Variants in CEP350 observed in about 807,000 individuals in gnomAD.
CEP350 encodes centrosome-associated protein 350.
CEP350 carries 126 observed loss-of-function variants against 331.8 expected under a neutral mutation model. The observed-to-expected ratio is 0.38, with a 90% CI of 0.33 to 0.44. CEP350 has a LOEUF of 0.44. CEP350 is among the 20% of genes least tolerant of loss of function. The pLI is 1.00. For synonymous variants in CEP350, 1,200 were observed against 1,259.5 expected, an observed-to-expected ratio of 0.95 and a Z score of 1.00; for missense variants, 3,406 against 3,634.6, an observed-to-expected ratio of 0.94 and a Z score of 1.62.
intron 16 of CEP350, 82 bp from the exon 17 acceptor site, chr1:180,036,844 T>C: frequency 7.2e-7 from 1 of 1,396,188 alleles, no homozygotes; most frequent in Non-Finnish European, 9.4e-7. Context: ...AAGTTGATTT[T>C]GGCTCTTAAA....
At position 180,078,610 on chromosome 1, in the gene CEP350, G is replaced by A; in HGVS notation, c.5915G>A (p.Ser1972Asn). 1 of 1,612,978 alleles carries A rather than the reference G, an allele frequency of 6.2e-7. No individual in the cohort carries two copies. Among genetic ancestry groups the A allele is most frequent in the Non-Finnish European group, 8.5e-7 (1 of 1,179,416 alleles). The change falls in exon 29 of 38, where the codon AGT becomes AAT. Residue 1972 changes from serine (S) to asparagine (N), a missense_variant. This residue lies in a region of CEP350 where 1,415 missense variants were observed against 1,512.3 expected (regional missense o/e 0.94). Transcript: ENST00000367607. ...GAGCAGCCAGGGAGTCCAGATCACA[G>A]TATACTTACTGAAGAAATGATTTGT... ...GQEQPGSPDH[S>N]ILTEEMICSQ... is the part of the protein sequence containing the mutation.
intron 19 of CEP350, 128 bp downstream of exon 19, chr1:180,041,930 C>A: frequency 1.3e-6 from 1 of 794,634 alleles, no homozygotes; most frequent in Non-Finnish European, 2.0e-6. Flanking sequence ...TTAGTGGGGG[C>A]CATACCCTAT....
chr1:180,071,242 G>A (rs888733817), intron 27 of CEP350, among the ~76,000 whole-genome samples: 1 of 150,950 alleles, frequency 6.6e-6, no homozygotes, highest in Non-Finnish European at 1.5e-5. Context: ...TGGATCACCT[G>A]AGGTCAGGAG....
In CEP350 at chr1:180,094,412, A is replaced by C. The variant is rs750913868; in HGVS notation, c.8307A>C (p.Gln2769His). ...LKVFVKDTVN[Q>H]LQQIKKTRDE... Reference sequence around the variant, plus strand: ...TCTTTGTAAAGGACACAGTCAATCAACTACAACAAATCAAAAAAACCAGGG... The same window carrying C: ...TCTTTGTAAAGGACACAGTCAATCACCTACAACAAATCAAAAAAACCAGGG... The change falls in exon 34 of 38, where the codon CAA becomes CAC. Residue 2769 changes from glutamine (Q) to histidine (H), a missense_variant. By Grantham distance (24) the Gln-to-His change is conservative (BLOSUM62 0). This residue lies in a region of CEP350 where 1,415 missense variants were observed against 1,512.3 expected (regional missense o/e 0.94). Coordinates refer to ENST00000367607, the MANE Select transcript of CEP350 (RefSeq NM_014810.5). The C allele has an allele frequency of 1.9e-6, 3 of 1,613,826 alleles. No individual in the cohort carries two copies. In the South Asian group the frequency reaches 3.3e-5, roughly 18 times the overall value.
At chr1:180,091,080 C>T (rs945975982) in intron 33 of CEP350, among the ~76,000 whole-genome samples, 1 of 151,620 alleles carries the variant, frequency 6.6e-6, no homozygotes, top group Admixed American at 6.6e-5. Context: ...TCATAGCTTA[C>T]TACTGCAGCC....
intron 37 of CEP350, among the ~76,000 whole-genome samples, chr1:180,108,988 G>C (rs1377751728): frequency 6.6e-6 from 1 of 152,146 alleles, no homozygotes; most frequent in African/African-American, 2.4e-5. Context: ...TCCAGCCAAG[G>C]ATATATGTTG....
rs536157213 is a variant in CEP350 at position 180,094,691 on chromosome 1, A to G, written c.8511+75A>G. The G allele has an allele frequency of 5.3e-4, 769 of 1,445,894 alleles. 6 individuals carry two copies. The highest frequency in any genetic ancestry group is 3.3e-4 in the Admixed American group (13 of 39,568). 89.6% of individuals were successfully genotyped at this position (1,445,894 alleles called of 1,614,324 possible). A position where few individuals can be genotyped will look rare whatever the true frequency, so the allele number is the denominator to read the frequency against. The stretch of plus-strand genomic sequence containing the variant: ...ACAAGGCAACTTACCTTGCCTATAT[A>G]GTACATTTTAATTCTGTGACTCCTG... On this transcript the variant is annotated intron_variant, in intron 34 of 37. Transcript: ENST00000367607.
intron 1 of CEP350, among the ~76,000 whole-genome samples, chr1:179,980,478 T>C (rs2148643573): frequency 6.6e-6 from 1 of 152,184 alleles, no homozygotes; most frequent in East Asian, 1.9e-4. Flanking sequence ...ATGATTATAT[T>C]GTCTGAAAAC....
At chr1:180,104,862 A>G (rs1334967404) in intron 37 of CEP350, among the ~76,000 whole-genome samples, 2 of 152,218 alleles carry the variant, frequency 1.3e-5, no homozygotes, top group African/African-American at 4.8e-5. Flanking sequence ...CTTGAAGGCA[A>G]AAGCACTTGG....
intron 22 of CEP350, chr1:180,052,384 G>T (rs1657566226): frequency 2.9e-6 from 1 of 348,252 alleles, no homozygotes; most frequent in Non-Finnish European, 5.6e-6. Flanking sequence ...AAATAAATAA[G>T]AGCTCTTTGT....
intron 37 of CEP350, among the ~76,000 whole-genome samples, chr1:180,108,433 G>T (rs902290269): frequency 4.8e-4 from 73 of 152,158 alleles, no homozygotes; most frequent in Non-Finnish European, 1.0e-3. Context: ...CCGGGAGGTG[G>T]AGGTTACAGT....
rs563371762 is a variant in CEP350 at position 179,975,631 on chromosome 1, G to A, written c.-13-10538G>A. Among the ~76,000 whole-genome samples the A allele has an allele frequency of 5.9e-5, 9 of 152,234 alleles. No individual in the cohort carries two copies. The South Asian group carries it at 8.3e-4, about 14-fold the overall frequency. On this transcript the variant is annotated intron_variant, in intron 1 of 37. Coordinates refer to ENST00000367607, the MANE Select transcript of CEP350 (RefSeq NM_014810.5). ...ATGATAACTAAGTATATGATGGAACGTGGGAGAGATAGGAATGTCAAAGAT... is the reference window on the plus strand; with the variant it reads ...ATGATAACTAAGTATATGATGGAACATGGGAGAGATAGGAATGTCAAAGAT...
rs770331927 is a variant in CEP350, at chr1:180,020,574, A to G, written c.2800A>G (p.Ser934Gly). Reference sequence around the variant, plus strand: ...GATAAGACCACAGAGTGCCATATCAAGCTTTAGAGTGAGATCCCCTGGTCC... The same window carrying G: ...GATAAGACCACAGAGTGCCATATCAGGCTTTAGAGTGAGATCCCCTGGTCC... The part of the protein sequence containing the change: ...EMIRPQSAIS[S>G]FRVRSPGPKP... Residue 934 changes from serine (S) to glycine (G), a missense_variant, in exon 12 of 38, where the codon AGC (serine) becomes GGC (glycine). By Grantham distance (56) the Ser-to-Gly change is moderately conservative. This residue lies in a region of CEP350 where 1,857 missense variants were observed against 1,909.2 expected (regional missense o/e 0.97). Transcript: ENST00000367607. The G allele has an allele frequency of 2.9e-5, 46 of 1,614,012 alleles. No homozygotes were observed. The highest frequency in any genetic ancestry group is 2.5e-4 in the South Asian group (23 of 91,080).
Position 179,990,536 on chromosome 1 carries a change from A to T in CEP350, c.150A>T (p.Val50=), listed in dbSNP as rs1468796485. ...GACACATTGAAAATAAATTAGAAGT[A>T]GCCCCTACAAGTACAGCTGTGTGTG... The part of the protein sequence containing the change: ...ALRHIENKLE[V]APTSTAVCDS... The change falls in exon 4 of 38, where the codon GTA becomes GTT. Residue 50 remains valine, a synonymous_variant. Transcript: ENST00000367607. 1 of 1,600,466 alleles carries T rather than the reference A, an allele frequency of 6.2e-7. No individual in the cohort carries two copies. Among genetic ancestry groups the T allele is most frequent in the Non-Finnish European group, 8.5e-7 (1 of 1,172,446 alleles).
rs575689987 is a variant in CEP350 at position 180,074,938 on chromosome 1, T to C, written c.5568-84T>C. On this transcript the variant is annotated intron_variant, in intron 27 of 37. Transcript: ENST00000367607. ...GTTCTGCTTTTGCACAGCTTGTTGA[T>C]AAGGTGGTGAGTGATAGAGCTCTCA... 3.5e-4 allele frequency: 404 copies of C among 1,155,738 alleles called. 1 individual carries two copies. Among genetic ancestry groups the C allele is most frequent in the East Asian group, 2.0e-3 (76 of 38,614 alleles). 71.6% of individuals were successfully genotyped at this position (1,155,738 alleles called of 1,614,324 possible).
At chr1:180,065,367 C>T in intron 27 of CEP350, 95 bp downstream of exon 27, 1 of 1,232,258 alleles carries the variant, frequency 8.1e-7, no homozygotes, top group Non-Finnish European at 1.1e-6. Flanking sequence ...TAGATTGAGA[C>T]AAAATATTTT....
chr1:180,014,299 A>G lies in CEP350; in HGVS notation c.1846A>G (p.Lys616Glu), dbSNP rs774756833. 3 of 1,594,764 alleles carry G rather than the reference A, an allele frequency of 1.9e-6. No individual in the cohort carries two copies. Among genetic ancestry groups the G allele is most frequent in the Admixed American group, 3.6e-5 (2 of 56,336 alleles). Reference sequence around the variant, plus strand: ...GAAGAGAAAGCAAAATGAAGAGAAGAAGGCTCAAAAGGAGGCTACAGAACA... The same window carrying G: ...GAAGAGAAAGCAAAATGAAGAGAAGGAGGCTCAAAAGGAGGCTACAGAACA... ...ERKRKQNEEK[K>E]AQKEATEQKN... The change falls in exon 10 of 38, where the codon AAG becomes GAG. Residue 616 changes from lysine (K) to glutamate (E), a missense_variant. Coordinates refer to ENST00000367607, the MANE Select transcript of CEP350 (RefSeq NM_014810.5).
At chr1:180,098,583 A>ATTCTCCTGCCTTGGC in intron 36 of CEP350, among the ~76,000 whole-genome samples, 1 of 152,020 alleles carries the variant, frequency 6.6e-6, no homozygotes, top group Non-Finnish European at 1.5e-5. Flanking sequence ...GGCTCAAGTG[A>ATTCTCCTGCCTTGGC]TTCTCCTGCC....
rs760664827 is a variant in CEP350, at chr1:180,031,370, A to G, written c.3601A>G (p.Lys1201Glu). The change falls in exon 15 of 38, where the codon AAA (lysine) becomes GAA (glutamate). Residue 1201 changes from lysine (K) to glutamate (E), a missense_variant. Around this residue, in one of 5 missense-constraint regions of CEP350, gnomAD observed 1,857 missense variants for 1,909.2 expected, o/e 0.97. Coordinates refer to ENST00000367607, the MANE Select transcript of CEP350 (RefSeq NM_014810.5). The stretch of plus-strand genomic sequence containing the variant: ...TCAGAACTCACTTCTTGATGAGGAA[A>G]AAGCAGAACGTGGCTCCCATCAAGG... ...NVQNSLLDEE[K>E]AERGSHQGKK... The G allele has an allele frequency of 1.2e-6, 2 of 1,608,876 alleles. No individual in the cohort carries two copies. The highest frequency in any genetic ancestry group is 2.7e-5 in the African/African-American group (2 of 74,676).
Sources: gnomAD v4.1 joint callset for allele counts (sites outside exome capture counted in the v4.1 genomes callset) on GRCh38, gnomAD v4.1.1 for gene constraint, gnomAD v4.1.1 regional missense constraint, MANE v1.5 for transcripts, NCBI Gene and HGNC (gene_info 2026-07-23, HGNC 2026-07-21) for gene names.